The following TLK1 variants were observed in gnomAD, a reference collection of about 807,000 sequenced individuals.
TLK1 encodes tousled like kinase 1.
Under a neutral mutation model 105.3 loss-of-function variants are expected in TLK1, and 24 were observed. That is an observed-to-expected ratio of 0.23 (90% CI 0.17 to 0.32). The LOEUF is 0.32. Ranked by LOEUF, TLK1 falls within the 10% of genes least tolerant of loss-of-function variation. The pLI is 1.00. For missense variants in TLK1, 558 were observed against 910.5 expected (o/e 0.61, Z 4.98); for synonymous variants, 321 against 310.4 (o/e 1.03, Z -0.36).
At chr2:171,137,500 C>T (rs1258100681) in intron 1 of TLK1, among the ~76,000 whole-genome samples, 2 of 152,140 alleles carry the variant, frequency 1.3e-5, no homozygotes, top group African/African-American at 4.8e-5. Context: ...CACCCAGGCA[C>T]ATGCACATAT....
chr2:171,040,690 C>T (rs1360241632), intron 11 of TLK1, among the ~76,000 whole-genome samples: 1 of 151,348 alleles, frequency 6.6e-6, no homozygotes, highest in African/African-American at 2.4e-5. Flanking sequence ...AATTCTCCCA[C>T]CTCAGCCTCC....
chr2:171,169,293 A>G (rs973208142), intron 1 of TLK1, among the ~76,000 whole-genome samples: 16 of 152,196 alleles, frequency 1.1e-4, no homozygotes, highest in African/African-American at 3.9e-4. Flanking sequence ...CATCTATCTT[A>G]TAAAATATGA....
chr2:171,101,617 A>G (rs1379683235), intron 2 of TLK1, among the ~76,000 whole-genome samples: 1 of 152,208 alleles, frequency 6.6e-6, no homozygotes, highest in Middle Eastern at 3.2e-3. Flanking sequence ...TAAATGAGTC[A>G]TTTTGATGGT....
At chr2:171,024,120 A>G (rs1218742744) in intron 12 of TLK1, among the ~76,000 whole-genome samples, 1 of 152,180 alleles carries the variant, frequency 6.6e-6, no homozygotes, top group African/African-American at 2.4e-5. Flanking sequence ...GGAAGTTTGT[A>G]TATAATTAAT....
At chr2:171,173,501 C>G (rs919854688) in intron 1 of TLK1, among the ~76,000 whole-genome samples, 1 of 152,030 alleles carries the variant, frequency 6.6e-6, no homozygotes, top group Non-Finnish European at 1.5e-5. Flanking sequence ...GATCCTCCCA[C>G]CTCAGCTTCC....
chr2:171,189,351 A>G (rs1402438739), intron 1 of TLK1, among the ~76,000 whole-genome samples: 1 of 152,080 alleles, frequency 6.6e-6, no homozygotes, highest in East Asian at 1.9e-4. Flanking sequence ...CACTTTTAGT[A>G]GAGACGGGTT....
intron 11 of TLK1, among the ~76,000 whole-genome samples, chr2:171,037,441 C>CAAA (rs34547550): frequency 6.7e-5 from 8 of 118,550 alleles, no homozygotes; most frequent in Admixed American, 3.3e-4. Flanking sequence ...AACTCCGTCT[C>CAAA]AAAAAAAAAA....
At chr2:171,145,829 A>G (rs111326069) in intron 1 of TLK1, among the ~76,000 whole-genome samples, 67 of 152,330 alleles carry the variant, frequency 4.4e-4, no homozygotes, top group African/African-American at 1.6e-3. Context: ...TACAAAATAT[A>G]TAATGCGTGG....
intron 2 of TLK1, among the ~76,000 whole-genome samples, chr2:171,101,297 G>A (rs1689678467): frequency 7.6e-6 from 1 of 130,966 alleles, no homozygotes; most frequent in Non-Finnish European, 1.5e-5. Flanking sequence ...AGTGAGCCAA[G>A]ATAGCGCCAC....
At chr2:171,013,929 A>G (rs1685049941) in intron 13 of TLK1, among the ~76,000 whole-genome samples, 1 of 152,154 alleles carries the variant, frequency 6.6e-6, no homozygotes, top group Non-Finnish European at 1.5e-5. Context: ...TATCTTTTTC[A>G]TGAAGCTCCC....
chr2:171,191,064 G>T (rs1356009958), intron 1 of TLK1, among the ~76,000 whole-genome samples: 1 of 151,914 alleles, frequency 6.6e-6, no homozygotes, highest in Non-Finnish European at 1.5e-5. Flanking sequence ...GGAGGCTGAG[G>T]CAGGAGAATC....
At chr2:171,128,519 A>T (rs1451963098) in intron 1 of TLK1, among the ~76,000 whole-genome samples, 1 of 152,208 alleles carries the variant, frequency 6.6e-6, no homozygotes, top group Non-Finnish European at 1.5e-5. Flanking sequence ...GCTAAAATAT[A>T]AGTGCTCAAT....
chr2:171,042,291 G>A (rs547608725), intron 11 of TLK1, among the ~76,000 whole-genome samples: 3 of 152,212 alleles, frequency 2.0e-5, no homozygotes, highest in East Asian at 1.9e-4. Flanking sequence ...CTGTCACCCA[G>A]GCTGGAGTGC....
At chr2:171,106,812 C>T (rs183447899) in intron 2 of TLK1, among the ~76,000 whole-genome samples, 2 of 152,316 alleles carry the variant, frequency 1.3e-5, no homozygotes, top group African/African-American at 2.4e-5. Flanking sequence ...AACTGTCATA[C>T]ATTCTGTAGC....
At chr2:171,050,719 T>C (rs1230166007) in intron 8 of TLK1, among the ~76,000 whole-genome samples, 1 of 152,220 alleles carries the variant, frequency 6.6e-6, no homozygotes, top group East Asian at 1.9e-4. Flanking sequence ...AGGATACTAA[T>C]TCTGTTCACT....
intron 18 of TLK1, among the ~76,000 whole-genome samples, chr2:171,004,784 T>A (rs919837102): frequency 3.9e-5 from 6 of 151,970 alleles, no homozygotes; most frequent in East Asian, 1.9e-4. Context: ...AAAAAAAAAA[T>A]GAGCCTTGTT....
chr2:171,161,071 G>C (rs1055888687), upstream of TLK1, among the ~76,000 whole-genome samples: 16 of 148,486 alleles, frequency 1.1e-4, no homozygotes, highest in Admixed American at 9.3e-4. Flanking sequence ...GCGAGCGCGC[G>C]AGGGAAGAGA....
Position 171,046,261 on chromosome 2 carries a change from G to A in TLK1, c.1082C>T (p.Ser361Phe). Reference protein sequence around the residue: ...PPTANNSQAPSTNSEPKQRKN... With the variant: ...PPTANNSQAPFTNSEPKQRKN... ...CCTTTGTTTTGGTTCAGAATTGGTA[G>A]AGGGTGCCTGAGAATTATTAGCTGT... Residue 361 changes from serine (S) to phenylalanine (F), a missense_variant, in exon 11 of 21, where the codon TCT (serine) becomes TTT (phenylalanine). By Grantham distance (155) the Ser-to-Phe change is radical. Transcript: ENST00000431350. 6.2e-7 allele frequency: 1 copy of A among 1,613,688 alleles called. No individual in the cohort carries two copies. Among genetic ancestry groups the A allele is most frequent in the Non-Finnish European group, 8.5e-7 (1 of 1,179,732 alleles).
chr2:171,040,639 C>T (rs1219353779), intron 11 of TLK1, among the ~76,000 whole-genome samples: 1 of 143,438 alleles, frequency 7.0e-6, no homozygotes, highest in African/African-American at 2.7e-5. Flanking sequence ...TGCAGTAATG[C>T]AATCACAGCT....
Sources: gnomAD v4.1 joint callset for allele counts (sites outside exome capture counted in the v4.1 genomes callset) on GRCh38, gnomAD v4.1.1 for gene constraint, MANE v1.5 for transcripts, NCBI Gene and HGNC (gene_info 2026-07-23, HGNC 2026-07-21) for gene names.